CNBD1: variants seen among roughly 807,000 people sequenced by gnomAD.
CNBD1 encodes cyclic nucleotide binding domain containing 1.
Under a neutral mutation model 54.4 loss-of-function variants are expected in CNBD1, and 71 were observed. That is an observed-to-expected ratio of 1.30 (90% CI 1.08 to 1.59). CNBD1 has a LOEUF of 1.59. CNBD1 is among the 40% of genes most tolerant of loss of function. The probability of loss-of-function intolerance (pLI) is 0.00; values close to 1 mark genes in which losing one functional copy is unlikely to be tolerated. For missense variants in CNBD1, 659 were observed against 518.0 expected (o/e 1.27, Z -2.64); for synonymous variants, 182 against 170.7 (o/e 1.07, Z -0.51).
chr8:87,128,308 T>C (rs1812041045), intron 4 of CNBD1, among the ~76,000 whole-genome samples: 1 of 152,170 alleles, frequency 6.6e-6, no homozygotes, highest in Non-Finnish European at 1.5e-5. Flanking sequence ...ACTTGGGCTT[T>C]GGGAGTTGCA....
intron 4 of CNBD1, among the ~76,000 whole-genome samples, chr8:87,028,325 C>T (rs2130589016): frequency 6.6e-6 from 1 of 152,310 alleles, no homozygotes; most frequent in East Asian, 1.9e-4. Context: ...CAGAAACTTG[C>T]TTCCAGCCAA....
intron 4 of CNBD1, among the ~76,000 whole-genome samples, chr8:86,954,689 AT>A (rs1288889261): frequency 6.6e-6 from 1 of 152,174 alleles, no homozygotes; most frequent in Non-Finnish European, 1.5e-5. Context: ...GCTCTTAGCA[AT>A]TTTTAATTTT....
intron 6 of CNBD1, among the ~76,000 whole-genome samples, chr8:87,254,427 G>C (rs1314864209): frequency 2.0e-5 from 3 of 152,174 alleles, no homozygotes; most frequent in Non-Finnish European, 4.4e-5. Flanking sequence ...GTCATGATAA[G>C]TATTATAACA....
intron 5 of CNBD1, among the ~76,000 whole-genome samples, chr8:87,224,014 G>C (rs930782257): frequency 2.9e-4 from 44 of 152,048 alleles, no homozygotes; most frequent in African/African-American, 9.9e-4. Flanking sequence ...ATTTTTTCAT[G>C]TGTTTTTTGG....
chr8:87,357,131 G>T (rs1223738071), intron 10 of CNBD1, among the ~76,000 whole-genome samples: 1 of 152,202 alleles, frequency 6.6e-6, no homozygotes, highest in Admixed American at 6.5e-5. Context: ...GAATGTATCA[G>T]AAAGCCTTCC....
intron 1 of CNBD1, among the ~76,000 whole-genome samples, chr8:86,874,689 T>C (rs1214949931): frequency 6.6e-6 from 1 of 151,992 alleles, no homozygotes; most frequent in Non-Finnish European, 1.5e-5. Flanking sequence ...TAAGGAGTTA[T>C]TTTTATTATA....
At chr8:87,188,423 A>G (rs1813526946) in intron 4 of CNBD1, among the ~76,000 whole-genome samples, 1 of 152,070 alleles carries the variant, frequency 6.6e-6, no homozygotes, top group African/African-American at 2.4e-5. Context: ...GCACAAAACT[A>G]TTTGCTGAAT....
chr8:87,375,559 G>C (rs780225976), intron 10 of CNBD1, among the ~76,000 whole-genome samples: 1 of 151,650 alleles, frequency 6.6e-6, no homozygotes, highest in Admixed American at 6.6e-5. Flanking sequence ...TATAGTTTAG[G>C]TATCACACAG....
chr8:87,097,559 GT>G (rs1335539430), intron 4 of CNBD1, among the ~76,000 whole-genome samples: 2 of 152,192 alleles, frequency 1.3e-5, no homozygotes, highest in Non-Finnish European at 2.9e-5. Context: ...GCAGAAAGCA[GT>G]TTTCTACTTT....
chr8:87,412,881 G>A (rs1807771942), intron 2 of CNBD1, among the ~76,000 whole-genome samples: 2 of 152,158 alleles, frequency 1.3e-5, no homozygotes, highest in Admixed American at 6.6e-5. Context: ...GTAAACATGC[G>A]AAAAGAAGGA....
chr8:87,006,184 T>A (rs1228830463), intron 4 of CNBD1, among the ~76,000 whole-genome samples: 1 of 152,114 alleles, frequency 6.6e-6, no homozygotes, highest in Non-Finnish European at 1.5e-5. Flanking sequence ...ATTGACCATT[T>A]TTACTTTTTC....
chr8:87,248,989 T>C (rs1345622227), intron 6 of CNBD1, among the ~76,000 whole-genome samples: 2 of 152,126 alleles, frequency 1.3e-5, no homozygotes, highest in Non-Finnish European at 1.5e-5. Flanking sequence ...GTATATCAAC[T>C]CACTACTATA....
chr8:87,307,826 A>T (rs1043724813), intron 8 of CNBD1, among the ~76,000 whole-genome samples: 1 of 151,500 alleles, frequency 6.6e-6, no homozygotes, highest in Admixed American at 6.6e-5. Flanking sequence ...TTTCCATTTT[A>T]AGTGATGGCA....
intron 2 of CNBD1, among the ~76,000 whole-genome samples, chr8:87,411,427 T>TATATATATATATATATATA (rs71277943): frequency 9.7e-4 from 137 of 140,704 alleles, no homozygotes; most frequent in East Asian, 2.2e-3. Context: ...TATATATATA[T>TATATATATATATATATATA]TTCATTCACA....
chr8:87,119,538 T>C (rs1563476199), intron 4 of CNBD1, among the ~76,000 whole-genome samples: 1 of 152,116 alleles, frequency 6.6e-6, no homozygotes, highest in Non-Finnish European at 1.5e-5. Context: ...TGGGACAATT[T>C]GATGTCCTCT....
intron 5 of CNBD1, among the ~76,000 whole-genome samples, chr8:87,230,868 C>T (rs893887814): frequency 3.3e-5 from 5 of 152,146 alleles, no homozygotes; most frequent in Non-Finnish European, 7.3e-5. Flanking sequence ...ACATTAACTT[C>T]TATTTTATGG....
At chr8:86,905,322 G>A (rs1809001531) in intron 3 of CNBD1, 128 bp downstream of exon 3, 1 of 548,674 alleles carries the variant, frequency 1.8e-6, no homozygotes, top group Non-Finnish European at 3.2e-6. Flanking sequence ...GGAGGGCTAG[G>A]GAGCAGCCAA....
intron 1 of CNBD1, among the ~76,000 whole-genome samples, chr8:86,887,182 C>T (rs907427092): frequency 6.6e-6 from 1 of 152,062 alleles, no homozygotes; most frequent in Admixed American, 6.6e-5. Flanking sequence ...AACTCTTACT[C>T]GAATTGTCAT....
chr8:87,049,254 G>C (rs1369447714), intron 4 of CNBD1, among the ~76,000 whole-genome samples: 1 of 152,140 alleles, frequency 6.6e-6, no homozygotes, highest in Non-Finnish European at 1.5e-5. Flanking sequence ...ACTTCCTACA[G>C]AAGGAAAATT....
Sources: allele counts gnomAD v4.1 joint callset (sites outside exome capture counted in the v4.1 genomes callset), GRCh38; gene constraint gnomAD v4.1.1; transcripts MANE v1.5; gene names NCBI Gene and HGNC (gene_info 2026-07-23, HGNC 2026-07-21).